POTEH: variants seen among roughly 807,000 people sequenced by gnomAD.
POTEH encodes ANKRD26-like family C member 3.
A neutral mutation model predicts 41.7 loss-of-function variants in POTEH; 6 were observed. The observed-to-expected ratio is 0.14, with a 90% CI of 0.08 to 0.28. The LOEUF is 0.28. POTEH is among the 10% of genes least tolerant of loss of function. POTEH has a pLI of 1.00. For synonymous variants in POTEH, 38 were observed against 179.9 expected (o/e 0.21, Z 6.31); for missense variants, 115 against 533.5 (o/e 0.22, Z 7.73).
At chr22:15,721,000 CTCTAGTGATT>C (rs1413255358) in intron 10 of POTEH, among the ~76,000 whole-genome samples, 2 of 146,478 alleles carry the variant, frequency 1.4e-5, no homozygotes, top group East Asian at 4.0e-4. Context: ...CTTAAAAATC[CTCTAGTGATT>C]TATTTTTCAT....
rs1289637557 is a variant in POTEH at position 15,690,740 on chromosome 22, A to G, written c.632+31A>G. ...CAGGCCTGGGCTGGGAGGAGGTGGGATGTGGGAGGATGATGGGGACATACC... is the reference window on the plus strand; with the variant it reads ...CAGGCCTGGGCTGGGAGGAGGTGGGGTGTGGGAGGATGATGGGGACATACC... On this transcript the variant is annotated intron_variant, in intron 1 of 10. Coordinates refer to ENST00000343518, the MANE Select transcript of POTEH (RefSeq NM_001136213.1). 3.6e-6 allele frequency: 5 copies of G among 1,397,238 alleles called. 1 individual carries two copies. The allele number at this position is 1,397,238 out of a possible 1,614,324, so 86.6% of individuals were successfully genotyped here.
chr22:15,692,119 T>C (rs1601493860), intron 1 of POTEH, among the ~76,000 whole-genome samples: 1 of 130,010 alleles, frequency 7.7e-6, no homozygotes, highest in Non-Finnish European at 1.8e-5. Context: ...AATTCTCTGC[T>C]TCAGCCTACT....
chr22:15,696,686 G>T (rs1336060060), intron 3 of POTEH, among the ~76,000 whole-genome samples: 1 of 102,924 alleles, frequency 9.7e-6, no homozygotes, highest in Admixed American at 1.1e-4. Context: ...TTCAAATCTA[G>T]AGTGTCTGGA....
chr22:15,692,753 TAAAA>T (rs201703359), intron 1 of POTEH, among the ~76,000 whole-genome samples: 10 of 116,118 alleles, frequency 8.6e-5, no homozygotes, highest in African/African-American at 3.1e-4. Context: ...AGACCCCATC[TAAAA>T]AAAAAAAAAA....
chr22:15,713,665 A>G (rs1989867281), intron 9 of POTEH, among the ~76,000 whole-genome samples: 1 of 152,280 alleles, frequency 6.6e-6, no homozygotes, highest in Non-Finnish European at 1.5e-5. Context: ...ATACCTGGCT[A>G]ATTTTTGTAT....
In POTEH at chr22:15,691,617, C is replaced by T. The variant is rs1329925565; in HGVS notation, c.632+908C>T. ...GCAGTTTTAGAGTTTTTAAATTACA[C>T]ATGCTGTCTTTTATTATTGTGCTAA... On this transcript the variant is annotated intron_variant, in intron 1 of 10. Coordinates refer to ENST00000343518, the MANE Select transcript of POTEH (RefSeq NM_001136213.1). 6.0e-4 allele frequency among the ~76,000 whole-genome samples: 87 copies of T among 144,406 alleles called. No individual in the cohort carries two copies. The East Asian group carries it at 0.014, about 24-fold the overall frequency. The allele number at this position is 144,406 out of a possible 152,430, so 94.7% of individuals were successfully genotyped here. A position where few individuals can be genotyped will look rare whatever the true frequency, so the allele number is the denominator to read the frequency against.
intron 9 of POTEH, among the ~76,000 whole-genome samples, chr22:15,718,841 CT>C (rs1989962519): frequency 6.7e-6 from 1 of 149,482 alleles, no homozygotes; most frequent in Non-Finnish European, 1.5e-5. Flanking sequence ...TATTTCACAT[CT>C]CTCTCTCATA....
intron 1 of POTEH, among the ~76,000 whole-genome samples, chr22:15,691,071 C>T (rs1225963022): frequency 1.4e-5 from 2 of 144,052 alleles, no homozygotes; most frequent in Non-Finnish European, 3.1e-5. Context: ...CCCCATAACA[C>T]ATCAACTTCA....
chr22:15,706,222 CAA>C (rs1989669258), intron 6 of POTEH, among the ~76,000 whole-genome samples: 2 of 150,590 alleles, frequency 1.3e-5, no homozygotes, highest in South Asian at 2.1e-4. Context: ...ATAATGAAAA[CAA>C]GAGAAAGAGT....
chr22:15,696,073 ATACT>A (rs1477132602), intron 3 of POTEH, among the ~76,000 whole-genome samples: 2 of 66,590 alleles, frequency 3.0e-5, no homozygotes, highest in Non-Finnish European at 6.3e-5. Context: ...GTAAAAGGTA[ATACT>A]TACTATTTTT....
At chr22:15,713,909 G>A (rs1267607520) in intron 9 of POTEH, among the ~76,000 whole-genome samples, 21 of 152,034 alleles carry the variant, frequency 1.4e-4, no homozygotes, top group Non-Finnish European at 2.7e-4. Context: ...CTACTTGACA[G>A]GCCTAGCCTA....
At chr22:15,697,851 CTT>C (rs1569284985) in intron 3 of POTEH, among the ~76,000 whole-genome samples, 4 of 149,718 alleles carry the variant, frequency 2.7e-5, no homozygotes, top group African/African-American at 7.4e-5. Flanking sequence ...TTTTGTGTCT[CTT>C]TGTTCAGTCA....
At chr22:15,714,275 C>T (rs1307368851) in intron 9 of POTEH, among the ~76,000 whole-genome samples, 2 of 152,178 alleles carry the variant, frequency 1.3e-5, no homozygotes, top group Non-Finnish European at 1.5e-5. Flanking sequence ...TAAAAACTTC[C>T]CCTTTCATCA....
At chr22:15,696,810 C>A (rs1196377078) in intron 3 of POTEH, among the ~76,000 whole-genome samples, 1 of 132,524 alleles carries the variant, frequency 7.5e-6, no homozygotes, top group African/African-American at 2.8e-5. Flanking sequence ...GGTCTCTCTC[C>A]TACTCTTTAC....
Position 15,691,458 on chromosome 22 carries a change from G to A in POTEH, c.632+749G>A, listed in dbSNP as rs1397628403. Among the ~76,000 whole-genome samples, 5 of 123,788 alleles carry A rather than the reference G, an allele frequency of 4.0e-5. 1 individual carries two copies. The highest frequency in any genetic ancestry group is 9.1e-5 in the Non-Finnish European group (5 of 54,840). The allele number at this position is 123,788 out of a possible 152,430, so 81.2% of individuals were successfully genotyped here. ...GGAGAATGGCGTGAACCTGGGAGGCGGAGCTTGCAGTGAGCCGAGATCACG... is the reference window on the plus strand; with the variant it reads ...GGAGAATGGCGTGAACCTGGGAGGCAGAGCTTGCAGTGAGCCGAGATCACG... On this transcript the variant is annotated intron_variant, in intron 1 of 10. Transcript: ENST00000343518.
At chr22:15,692,004 AT>A (rs398121698) in intron 1 of POTEH, among the ~76,000 whole-genome samples, 39 of 127,678 alleles carry the variant, frequency 3.1e-4, no homozygotes, top group African/African-American at 9.1e-4. Context: ...ATATATATAT[AT>A]ATAAATTTCT....
Position 15,721,589 on chromosome 22 carries a change from G to GCATATAATGCATATAATGCT in POTEH, c.*305_*306insCATATAATGCATATAATGCT. ...CCCCCGGGCTGTCTTCCCTTCCATC[G>GCATATAATGCATATAATGCT]TGGGGTGCCCCAGGCACCAGAACAT... is the stretch of plus-strand genomic sequence containing the variant. On this transcript the variant is annotated 3_prime_UTR_variant, in exon 11 of 11. Coordinates refer to ENST00000343518, the MANE Select transcript of POTEH (RefSeq NM_001136213.1). The GCATATAATGCATATAATGCT allele has an allele frequency of 6.6e-7, 1 of 1,521,170 alleles. No homozygotes were observed. The highest frequency in any genetic ancestry group is 8.9e-7 in the Non-Finnish European group (1 of 1,125,552). 94.2% of individuals were successfully genotyped at this position (1,521,170 alleles called of 1,614,324 possible). A position where few individuals can be genotyped will look rare whatever the true frequency, so the allele number is the denominator to read the frequency against.
At chr22:15,692,597 T>C (rs1294039750) in intron 1 of POTEH, among the ~76,000 whole-genome samples, 2 of 100,088 alleles carry the variant, frequency 2.0e-5, no homozygotes, top group East Asian at 4.9e-4. Context: ...CTACTGAAAA[T>C]ACAAAGAATT....
chr22:15,705,580 G>A (rs1989652005), intron 6 of POTEH, among the ~76,000 whole-genome samples: 1 of 146,446 alleles, frequency 6.8e-6, no homozygotes, highest in South Asian at 2.2e-4. Flanking sequence ...GGGACAGAGA[G>A]AAATCTCAGA....
Sources: gnomAD v4.1 joint callset for allele counts (sites outside exome capture counted in the v4.1 genomes callset) on GRCh38, gnomAD v4.1.1 for gene constraint, MANE v1.5 for transcripts, NCBI Gene and HGNC (gene_info 2026-07-23, HGNC 2026-07-21) for gene names.